The following ESCO2 variants were observed in gnomAD, a reference collection of about 807,000 sequenced individuals.
ESCO2 encodes N-acetyltransferase ESCO2.
ESCO2 carries 51 observed loss-of-function variants against 61.7 expected under a neutral mutation model. The ratio of observed to expected loss-of-function variants is 0.83; its 90% CI spans 0.66 to 1.04. The LOEUF is 1.04. Among genes scored for constraint, ESCO2 ranks in the 50% least tolerant of loss-of-function variants. The pLI, the probability that ESCO2 is intolerant of heterozygous loss-of-function variation, is 0.00. For synonymous variants in ESCO2, 230 were observed against 238.2 expected (o/e 0.97, Z 0.32); for missense variants, 692 against 686.2 (o/e 1.01, Z -0.09).
At chr8:27,810,925 G>T, downstream of ESCO2, 1 of 1,288,622 alleles carries the variant, frequency 7.8e-7, no homozygotes, top group Non-Finnish European at 1.1e-6. Flanking sequence ...GAAATGAAGA[G>T]ATTGGGATTT....
At chr8:27,786,374 C>T (rs9773688) in intron 5 of ESCO2, among the ~76,000 whole-genome samples, 63,576 of 151,972 alleles carry the variant, frequency 0.42, 13,638 homozygotes, top group East Asian at 0.62. Flanking sequence ...CACAGGTTCA[C>T]GTGATTGCTA....
upstream of ESCO2, chr8:27,772,584 C>A (rs1045271214): frequency 8.4e-6 from 13 of 1,541,308 alleles, no homozygotes; most frequent in South Asian, 1.2e-5. Flanking sequence ...AGCAGCAGCG[C>A]TCAACTCACG....
chr8:27,813,905 ATTT>A (rs202164867), downstream of ESCO2, among the ~76,000 whole-genome samples: 218 of 150,702 alleles, frequency 1.4e-3, 3 homozygotes, highest in East Asian at 0.03. Context: ...TTGGACTATG[ATTT>A]TTTTTTCTTA....
chr8:27,778,416 T>C (rs1585391937), intron 3 of ESCO2: 1 of 152,336 alleles, frequency 6.6e-6, no homozygotes, highest in Non-Finnish European at 1.5e-5. Context: ...TTTTACTAAT[T>C]CATTTTCTGT....
downstream of ESCO2, among the ~76,000 whole-genome samples, chr8:27,805,836 AAGCTCCTGAGGCCCTTG>A (rs1805553160): frequency 6.6e-6 from 1 of 151,900 alleles, no homozygotes; most frequent in Non-Finnish European, 1.5e-5. Context: ...GCCAGTCCTT[AAGCTCCTGAGGCCCTTG>A]AGCTCCTGAG....
At chr8:27,812,637 A>C (rs1230678426), downstream of ESCO2, 7 of 151,632 alleles carry the variant, frequency 4.6e-5, no homozygotes, top group East Asian at 8.0e-4. Flanking sequence ...AAAAAAAAAA[A>C]AAAACATCAA....
rs1405136328 is a variant in ESCO2, at chr8:27,787,929, T to C, written c.1058T>C (p.Met353Thr). The change falls in exon 6 of 11, where the codon ATG becomes ACG. Residue 353 changes from methionine (M) to threonine (T), a missense_variant. Physicochemically the swap from Met to Thr is moderately conservative, Grantham distance 81. Coordinates refer to ENST00000305188, the MANE Select transcript of ESCO2 (RefSeq NM_001017420.3). The part of the protein sequence containing the change: ...EQFSVGSVNF[M>T]KQTNIQKNTN... ...TTTTCTGTGGGATCTGTCAACTTCA[T>C]GAAACAGACCAATATCCAGAAAAAT... is the stretch of plus-strand genomic sequence containing the variant. The C allele has an allele frequency of 1.9e-6, 3 of 1,613,784 alleles. No individual in the cohort carries two copies. Among genetic ancestry groups the C allele is most frequent in the Admixed American group, 1.7e-5 (1 of 60,018 alleles).
At chr8:27,772,659 G>A, upstream of ESCO2, 1 of 959,608 alleles carries the variant, frequency 1.0e-6, no homozygotes. Context: ...CACTTCCGGC[G>A]GACGTCGGGG....
intron 3 of ESCO2, chr8:27,777,947 C>G (rs577173912): frequency 2.7e-5 from 4 of 148,170 alleles, no homozygotes; most frequent in South Asian, 2.2e-4. Flanking sequence ...AATTCAACCC[C>G]AGTCCATATC....
chr8:27,793,555 C>T (rs1437058955), intron 9 of ESCO2, among the ~76,000 whole-genome samples: 7 of 150,110 alleles, frequency 4.7e-5, no homozygotes, highest in East Asian at 2.0e-4. Flanking sequence ...GGCACGATCT[C>T]GCCTCACCAC....
At chr8:27,814,883 C>CA (rs1338751176), downstream of ESCO2, among the ~76,000 whole-genome samples, 1 of 152,150 alleles carries the variant, frequency 6.6e-6, no homozygotes, top group Non-Finnish European at 1.5e-5. Context: ...CCCATAGTGT[C>CA]ATACAAACCT....
upstream of ESCO2, among the ~76,000 whole-genome samples, chr8:27,772,959 T>C (rs1283859431): frequency 1.3e-5 from 2 of 152,166 alleles, no homozygotes; most frequent in Non-Finnish European, 2.9e-5. Flanking sequence ...ATATGCCTCT[T>C]GGGGATTGGA....
At chr8:27,792,474 G>A (rs1388162284) in intron 8 of ESCO2, among the ~76,000 whole-genome samples, 194 bp from the exon 9 acceptor site, 2 of 152,056 alleles carry the variant, frequency 1.3e-5, no homozygotes, top group African/African-American at 4.8e-5. Flanking sequence ...TTTAAAATAG[G>A]TTCTTAAAAC....
chr8:27,788,752 AT>A, intron 6 of ESCO2, 94 bp from the exon 7 acceptor site: 1 of 1,515,170 alleles, frequency 6.6e-7, no homozygotes, highest in Non-Finnish European at 9.1e-7. Flanking sequence ...GAAAAAAAAA[AT>A]TAGGTGAAAT....
At chr8:27,802,863 C>G (rs1805480953) in intron 10 of ESCO2, among the ~76,000 whole-genome samples, 1 of 151,156 alleles carries the variant, frequency 6.6e-6, no homozygotes, top group Non-Finnish European at 1.5e-5. Context: ...TCTCCTGCCT[C>G]AGCTTCCCAA....
At chr8:27,801,334 C>T (rs2128958151) in intron 10 of ESCO2, among the ~76,000 whole-genome samples, 1 of 152,212 alleles carries the variant, frequency 6.6e-6, no homozygotes, top group East Asian at 1.9e-4. Flanking sequence ...AACCAAAGAC[C>T]ACACTTTGGA....
chr8:27,784,814 T>C (rs1805002231), intron 5 of ESCO2, among the ~76,000 whole-genome samples: 1 of 152,162 alleles, frequency 6.6e-6, no homozygotes, highest in Non-Finnish European at 1.5e-5. Flanking sequence ...TAACTCCAGA[T>C]ATTAAGCAAG....
downstream of ESCO2, chr8:27,811,010 C>A (rs770864767): frequency 6.2e-7 from 1 of 1,612,634 alleles, no homozygotes; most frequent in Admixed American, 1.7e-5. Context: ...ATAAAGTCAT[C>A]ATTTCCCACA....
At chr8:27,779,174 A>G (rs1804867728) in intron 3 of ESCO2, 1 of 152,166 alleles carries the variant, frequency 6.6e-6, no homozygotes, top group Non-Finnish European at 1.5e-5. Flanking sequence ...TGGCCACCCA[A>G]AGTGCTGGTA....
Sources: gnomAD v4.1 joint callset for allele counts (sites outside exome capture counted in the v4.1 genomes callset) on GRCh38, gnomAD v4.1.1 for gene constraint, MANE v1.5 for transcripts, NCBI Gene and HGNC (gene_info 2026-07-23, HGNC 2026-07-21) for gene names.